LYPLAL1: variants seen among roughly 807,000 people sequenced by gnomAD.
The protein encoded by LYPLAL1 is lysophospholipase-like protein 1.
Under a neutral mutation model 19.7 loss-of-function variants are expected in LYPLAL1, and 23 were observed. The ratio of observed to expected loss-of-function variants is 1.17; its 90% confidence interval spans 0.84 to 1.65. The LOEUF (loss-of-function observed/expected upper bound fraction) is 1.65, where lower values mean the gene tolerates loss of function less well. Ranked by LOEUF, LYPLAL1 falls within the 40% of genes most tolerant of loss-of-function variation. The pLI is 0.00. For missense variants in LYPLAL1, 355 were observed against 279.4 expected (o/e 1.27, Z -1.93); for synonymous variants, 119 against 96.3 (o/e 1.24, Z -1.38).
At chr1:219,284,074 C>A in the LYPLAL1 span, among the ~76,000 whole-genome samples, 1 of 152,168 alleles carries the variant, frequency 6.6e-6, no homozygotes, top group Non-Finnish European at 1.5e-5. Flanking sequence ...CTCAGGAGAT[C>A]TGATGATTTT....
the LYPLAL1 span, among the ~76,000 whole-genome samples, chr1:219,445,177 A>G: frequency 2.0e-5 from 3 of 151,754 alleles, no homozygotes; most frequent in African/African-American, 7.3e-5. Context: ...CCTATACTGT[A>G]ATTTTTTTTT....
chr1:219,187,985 C>T (rs552498564), intron 2 of LYPLAL1, among the ~76,000 whole-genome samples: 1 of 151,782 alleles, frequency 6.6e-6, no homozygotes, highest in Non-Finnish European at 1.5e-5. Context: ...CTGTTTTCTA[C>T]AAATCACAGT....
chr1:219,313,700 A>G, the LYPLAL1 span, among the ~76,000 whole-genome samples: 5 of 151,700 alleles, frequency 3.3e-5, no homozygotes, highest in Admixed American at 6.6e-5. Flanking sequence ...ACACTCAGTT[A>G]ATTTTTGTAC....
the LYPLAL1 span, among the ~76,000 whole-genome samples, chr1:219,380,731 G>C: frequency 6.6e-6 from 1 of 152,164 alleles, no homozygotes; most frequent in African/African-American, 2.4e-5. Context: ...TCTTGATACC[G>C]TATTTGCTAT....
At chr1:219,392,779 T>C in the LYPLAL1 span, among the ~76,000 whole-genome samples, 5 of 152,178 alleles carry the variant, frequency 3.3e-5, no homozygotes, top group Non-Finnish European at 7.3e-5. Flanking sequence ...AGAGCTAAAA[T>C]TGAGCCCACA....
the LYPLAL1 span, among the ~76,000 whole-genome samples, chr1:219,284,988 G>T: frequency 6.6e-6 from 1 of 152,200 alleles, no homozygotes; most frequent in Non-Finnish European, 1.5e-5. Flanking sequence ...ATACTAACAT[G>T]AAATTAATGG....
rs950833824 is a variant in LYPLAL1 at position 219,174,839 on chromosome 1, G to C, written c.91+858G>C. On this transcript the variant is annotated intron_variant, in intron 1 of 4. Coordinates refer to ENST00000366928, the MANE Select transcript of LYPLAL1 (RefSeq NM_138794.5). ...GGTGTCCTCAGGGGGCCTACCTAAA[G>C]TTAAAAACAAAAACAATCCAATTAG... 16 of 957,766 alleles carry C rather than the reference G, an allele frequency of 1.7e-5. No homozygotes were observed. The African/African-American group carries it at 2.5e-4, about 15-fold the overall frequency. 59.3% of individuals were successfully genotyped at this position (957,766 alleles called of 1,614,324 possible). A position where few individuals can be genotyped will look rare whatever the true frequency, so the allele number is the denominator to read the frequency against.
At chr1:219,425,509 A>G in the LYPLAL1 span, among the ~76,000 whole-genome samples, 1 of 152,192 alleles carries the variant, frequency 6.6e-6, no homozygotes, top group African/African-American at 2.4e-5. Flanking sequence ...TTTCTGTGTG[A>G]TTGTTAGTGT....
the LYPLAL1 span, among the ~76,000 whole-genome samples, chr1:219,305,152 G>A: frequency 6.6e-6 from 1 of 152,084 alleles, no homozygotes; most frequent in Admixed American, 6.6e-5. Flanking sequence ...GGAATGGGAA[G>A]GACCAGAATT....
chr1:219,405,529 C>G, the LYPLAL1 span, among the ~76,000 whole-genome samples: 1 of 152,306 alleles, frequency 6.6e-6, no homozygotes, highest in East Asian at 1.9e-4. Flanking sequence ...ATATCTACCA[C>G]TTTTCATTTC....
At chr1:219,176,582 C>T (rs995146780) in intron 1 of LYPLAL1, among the ~76,000 whole-genome samples, 2 of 152,172 alleles carry the variant, frequency 1.3e-5, no homozygotes, top group Admixed American at 1.3e-4. Context: ...TGATTTGCTC[C>T]TTCTGGTTTC....
intron 1 of LYPLAL1, 185 bp downstream of exon 1, chr1:219,174,166 T>G: frequency 1.8e-5 from 26 of 1,429,012 alleles, no homozygotes; most frequent in Non-Finnish European, 2.4e-5. Flanking sequence ...CCCCCGTTAG[T>G]CTTCCTCTTT....
chr1:219,327,687 C>G, the LYPLAL1 span, among the ~76,000 whole-genome samples: 2 of 152,176 alleles, frequency 1.3e-5, no homozygotes, highest in Admixed American at 6.5e-5. Flanking sequence ...ACTGTAGCTC[C>G]CACAATTCCC....
intron 2 of LYPLAL1, among the ~76,000 whole-genome samples, chr1:219,188,596 A>G (rs1314182885): frequency 1.3e-5 from 2 of 151,796 alleles, no homozygotes; most frequent in Admixed American, 6.6e-5. Flanking sequence ...CAATTTGTTA[A>G]CTTAAAGGTT....
At chr1:219,255,138 A>G in the LYPLAL1 span, among the ~76,000 whole-genome samples, 1 of 151,856 alleles carries the variant, frequency 6.6e-6, no homozygotes, top group Non-Finnish European at 1.5e-5. Flanking sequence ...ATCAGCAGGT[A>G]TATTGACATT....
At chr1:219,357,753 C>A in the LYPLAL1 span, among the ~76,000 whole-genome samples, 4 of 152,086 alleles carry the variant, frequency 2.6e-5, no homozygotes, top group African/African-American at 9.7e-5. Context: ...TGCAAATGTT[C>A]ATAATAGCTT....
At chr1:219,188,634 T>C (rs911987254) in intron 2 of LYPLAL1, among the ~76,000 whole-genome samples, 7 of 151,396 alleles carry the variant, frequency 4.6e-5, no homozygotes, top group Non-Finnish European at 8.9e-5. Flanking sequence ...TTTATGACTT[T>C]AAGGCAACAC....
At chr1:219,346,737 A>G in the LYPLAL1 span, among the ~76,000 whole-genome samples, 1 of 152,152 alleles carries the variant, frequency 6.6e-6, no homozygotes, top group African/African-American at 2.4e-5. Context: ...TGGTAGCCCC[A>G]TAAGTGGGGG....
the LYPLAL1 span, among the ~76,000 whole-genome samples, chr1:219,429,334 C>T: frequency 2.6e-5 from 4 of 152,188 alleles, no homozygotes; most frequent in African/African-American, 7.2e-5. Context: ...CTTGGACCAT[C>T]ACTTCATGAT....
Sources: gnomAD v4.1 joint callset for allele counts (sites outside exome capture counted in the v4.1 genomes callset) on GRCh38, gnomAD v4.1.1 for gene constraint, MANE v1.5 for transcripts, NCBI Gene and HGNC (gene_info 2026-07-23, HGNC 2026-07-21) for gene names.